Variants in KIAA1328 observed in about 807,000 individuals in gnomAD.
KIAA1328 encodes protein hinderin.
In KIAA1328, 52 loss-of-function variants were observed where a neutral mutation model predicts 68.1. The ratio of observed to expected loss-of-function variants is 0.76; its 90% CI spans 0.61 to 0.96. The LOEUF is 0.96. Ranked by LOEUF, KIAA1328 falls within the 40% of genes least tolerant of loss-of-function variation. The pLI, the probability that KIAA1328 is intolerant of heterozygous loss-of-function variation, is 0.00. For missense variants in KIAA1328, 641 were observed against 677.6 expected (o/e 0.95, Z 0.60); for synonymous variants, 232 against 239.4 (o/e 0.97, Z 0.28).
At chr18:37,105,133 G>A (rs2057734420) in intron 7 of KIAA1328, among the ~76,000 whole-genome samples, 3 of 152,112 alleles carry the variant, frequency 2.0e-5, no homozygotes, top group East Asian at 1.9e-4. Context: ...ACATGAGTGG[G>A]GTTTGTTGTT....
chr18:37,217,908 T>G (rs922245849), intron 9 of KIAA1328, among the ~76,000 whole-genome samples: 1 of 152,228 alleles, frequency 6.6e-6, no homozygotes, highest in Non-Finnish European at 1.5e-5. Context: ...TTCATTTCAT[T>G]TGTTATAGCC....
At chr18:37,009,982 G>C (rs1304047437) in intron 6 of KIAA1328, among the ~76,000 whole-genome samples, 1 of 152,112 alleles carries the variant, frequency 6.6e-6, no homozygotes, top group Non-Finnish European at 1.5e-5. Context: ...AATAGAAATT[G>C]TTATGAAAAG....
At chr18:36,925,228 G>T (rs951777778) in intron 5 of KIAA1328, among the ~76,000 whole-genome samples, 6 of 152,014 alleles carry the variant, frequency 3.9e-5, no homozygotes, top group African/African-American at 9.7e-5. Flanking sequence ...ATGGGAGGGA[G>T]GATTTTAGGT....
At chr18:36,950,497 T>C (rs1598799173) in intron 5 of KIAA1328, among the ~76,000 whole-genome samples, 1 of 152,288 alleles carries the variant, frequency 6.6e-6, no homozygotes, top group South Asian at 2.1e-4. Context: ...CTTCAGGTGA[T>C]AGTAATATAG....
chr18:37,186,581 A>G (rs2059806018), intron 9 of KIAA1328, among the ~76,000 whole-genome samples: 1 of 151,410 alleles, frequency 6.6e-6, no homozygotes, highest in African/African-American at 2.4e-5. Context: ...AAAAAAAAAA[A>G]AAAAAACCAT....
chr18:36,956,862 C>T (rs1421122799), intron 5 of KIAA1328, among the ~76,000 whole-genome samples: 1 of 152,174 alleles, frequency 6.6e-6, no homozygotes, highest in Non-Finnish European at 1.5e-5. Context: ...AAATCATTCC[C>T]ATCTTTTAGA....
chr18:36,991,959 T>C (rs772951341), intron 6 of KIAA1328, among the ~76,000 whole-genome samples: 4 of 152,220 alleles, frequency 2.6e-5, no homozygotes, highest in Admixed American at 6.5e-5. Context: ...GCCACCACCA[T>C]AACAGACTCT....
chr18:36,886,860 A>T (rs2048518553), intron 5 of KIAA1328, among the ~76,000 whole-genome samples: 1 of 152,200 alleles, frequency 6.6e-6, no homozygotes, highest in Non-Finnish European at 1.5e-5. Flanking sequence ...AGAGAAATGG[A>T]AGCATAAAGA....
chr18:36,866,392 C>G (rs933391208), intron 4 of KIAA1328, among the ~76,000 whole-genome samples: 2 of 151,966 alleles, frequency 1.3e-5, no homozygotes, highest in African/African-American at 4.8e-5. Context: ...CTCTCTTTAT[C>G]CCCCTCAGAT....
At chr18:36,834,469 C>T (rs775570188) in intron 2 of KIAA1328, 114 bp downstream of exon 2, 158 of 823,162 alleles carry the variant, frequency 1.9e-4, no homozygotes, top group Non-Finnish European at 2.6e-4. Context: ...CAGAGCAGTA[C>T]ATCAAAACCT....
intron 7 of KIAA1328, among the ~76,000 whole-genome samples, chr18:37,100,528 C>T (rs2057575943): frequency 6.6e-6 from 1 of 152,204 alleles, no homozygotes; most frequent in South Asian, 2.1e-4. Context: ...CCAGGAGGCT[C>T]AAACTGGGTG....
chr18:36,843,069 A>G (rs1158392313), intron 3 of KIAA1328, among the ~76,000 whole-genome samples: 1 of 152,046 alleles, frequency 6.6e-6, no homozygotes, highest in African/African-American at 2.4e-5. Context: ...TTTAAAACAT[A>G]GAAAAGTATA....
At chr18:36,904,902 A>G (rs2049163268) in intron 5 of KIAA1328, among the ~76,000 whole-genome samples, 2 of 152,060 alleles carry the variant, frequency 1.3e-5, no homozygotes, top group African/African-American at 4.8e-5. Context: ...TGTAAGGCGT[A>G]TCTATACACC....
chr18:37,059,645 T>G lies in KIAA1328; in HGVS notation c.577-7245T>G, dbSNP rs2056067164. Among the ~76,000 whole-genome samples the G allele has an allele frequency of 2.0e-5, 3 of 152,130 alleles. No homozygotes were observed. In the South Asian group the frequency reaches 6.2e-4, roughly 32 times the overall value. On this transcript the variant is annotated intron_variant, in intron 6 of 9. Coordinates refer to ENST00000280020, the MANE Select transcript of KIAA1328 (RefSeq NM_020776.3). ...AGACAGTGTGGCGATTCCTCAAGGATCTAGAACCAGAAATACCATTTGACC... is the reference window on the plus strand; with the variant it reads ...AGACAGTGTGGCGATTCCTCAAGGAGCTAGAACCAGAAATACCATTTGACC...
At chr18:37,129,442 AAT>A (rs1172802765) in intron 7 of KIAA1328, among the ~76,000 whole-genome samples, 1 of 152,214 alleles carries the variant, frequency 6.6e-6, no homozygotes, top group Non-Finnish European at 1.5e-5. Flanking sequence ...GCAAAAAGTC[AAT>A]AGTTATTTTC....
intron 6 of KIAA1328, among the ~76,000 whole-genome samples, chr18:37,001,145 A>G (rs1303517126): frequency 6.6e-6 from 1 of 152,032 alleles, no homozygotes; most frequent in Non-Finnish European, 1.5e-5. Flanking sequence ...CTAAGAAAAG[A>G]TGAGAGAAGA....
At chr18:37,155,298 A>G (rs1312922979) in intron 7 of KIAA1328, among the ~76,000 whole-genome samples, 3 of 152,172 alleles carry the variant, frequency 2.0e-5, no homozygotes, top group Non-Finnish European at 4.4e-5. Flanking sequence ...GCCAATAGCA[A>G]AAAGCCATGG....
At chr18:37,097,613 A>G (rs1352307800) in intron 7 of KIAA1328, among the ~76,000 whole-genome samples, 2 of 152,242 alleles carry the variant, frequency 1.3e-5, no homozygotes, top group Non-Finnish European at 2.9e-5. Context: ...CTGTGAAGAC[A>G]GTCATTGGTA....
At chr18:36,914,135 T>A (rs1167337302) in intron 5 of KIAA1328, among the ~76,000 whole-genome samples, 3 of 152,206 alleles carry the variant, frequency 2.0e-5, no homozygotes, top group Non-Finnish European at 2.9e-5. Flanking sequence ...GTGTGGCCAC[T>A]TTAGTTTTTC....
Sources: gnomAD v4.1 joint callset for allele counts (sites outside exome capture counted in the v4.1 genomes callset) on GRCh38, gnomAD v4.1.1 for gene constraint, MANE v1.5 for transcripts, NCBI Gene and HGNC (gene_info 2026-07-23, HGNC 2026-07-21) for gene names.